CPAP: variants seen among roughly 807,000 people sequenced by gnomAD.
The protein encoded by CPAP is centrosomal P4.1-associated protein.
the CPAP span, among the ~76,000 whole-genome samples, chr13:24,894,951 G>T: frequency 2.6e-5 from 4 of 152,092 alleles, no homozygotes; most frequent in African/African-American, 9.7e-5. Context: ...GACCTGCGGG[G>T]TGAAGCCAGC....
At chr13:24,884,575 C>G in the CPAP span, 1 of 1,018,590 alleles carries the variant, frequency 9.8e-7, no homozygotes, top group Non-Finnish European at 1.5e-6. Flanking sequence ...GTAAAACATT[C>G]CCTCAAAAGA....
the CPAP span, among the ~76,000 whole-genome samples, chr13:24,931,302 G>GTTTTTTTTTTT: frequency 6.6e-4 from 6 of 9,062 alleles, no homozygotes; most frequent in East Asian, 3.8e-3. Flanking sequence ...ATTTTTTCAT[G>GTTTTTTTTTTT]TTTCTTTTTT....
the CPAP span, chr13:24,907,883 G>A: frequency 1.5e-6 from 1 of 683,142 alleles, no homozygotes; most frequent in Non-Finnish European, 2.6e-6. Context: ...ATAATAGGTT[G>A]TATCTTTAAC....
At chr13:24,887,543 T>C in the CPAP span, among the ~76,000 whole-genome samples, 5 of 152,322 alleles carry the variant, frequency 3.3e-5, no homozygotes, top group African/African-American at 7.2e-5. Flanking sequence ...ATCTAATGCC[T>C]GATGATCTGT....
At chr13:24,883,920 T>A in the CPAP span, 8 of 1,613,062 alleles carry the variant, frequency 5.0e-6, 1 homozygote, top group South Asian at 8.8e-5. Flanking sequence ...GATGAACAGG[T>A]GTCACACTGA....
chr13:24,908,185 T>G, the CPAP span: 1 of 1,202,204 alleles, frequency 8.3e-7, no homozygotes, highest in Non-Finnish European at 1.2e-6. Context: ...TCTTAAAACA[T>G]GAGAATTCTA....
At chr13:24,903,974 G>T in the CPAP span, 3 of 1,614,070 alleles carry the variant, frequency 1.9e-6, no homozygotes, top group South Asian at 3.3e-5. Context: ...TTTAGCTAAA[G>T]ATGCGTTCTC....
chr13:24,905,793 C>T, the CPAP span: 1 of 1,614,114 alleles, frequency 6.2e-7, no homozygotes, highest in Non-Finnish European at 8.5e-7. Context: ...CTCCTTTTAT[C>T]TTCTTGGGTC....
chr13:24,911,817 T>G, the CPAP span: 3 of 1,134,132 alleles, frequency 2.6e-6, no homozygotes, highest in East Asian at 4.8e-5. Context: ...CCATTTCACA[T>G]TTATCGGGCT....
chr13:24,898,202 C>G, the CPAP span, among the ~76,000 whole-genome samples: 1 of 152,020 alleles, frequency 6.6e-6, no homozygotes, highest in Non-Finnish European at 1.5e-5. Context: ...AGCCAATAGT[C>G]TTATTTTTTA....
At chr13:24,923,043 G>A in the CPAP span, among the ~76,000 whole-genome samples, 12 of 152,260 alleles carry the variant, frequency 7.9e-5, no homozygotes, top group African/African-American at 2.7e-4. Context: ...GTCGACGTAG[G>A]CGGGCGGCGT....
At chr13:24,882,895 T>TA in the CPAP span, 1 of 409,770 alleles carries the variant, frequency 2.4e-6, no homozygotes, top group Non-Finnish European at 4.5e-6. Flanking sequence ...TAGCCATTTC[T>TA]AACCAATAAA....
At chr13:24,914,202 G>A in the CPAP span, among the ~76,000 whole-genome samples, 1 of 152,110 alleles carries the variant, frequency 6.6e-6, no homozygotes, top group Non-Finnish European at 1.5e-5. Flanking sequence ...GGATGGAGAA[G>A]GTACAAGTTG....
chr13:24,923,949 C>T, the CPAP span, among the ~76,000 whole-genome samples: 2 of 152,166 alleles, frequency 1.3e-5, no homozygotes, highest in Non-Finnish European at 2.9e-5. Flanking sequence ...CTGCCTCAGC[C>T]TCCCGAGTAG....
At chr13:24,908,142 A>T in the CPAP span, 2 of 1,551,854 alleles carry the variant, frequency 1.3e-6, no homozygotes, top group Non-Finnish European at 8.9e-7. Context: ...ATAAAAATTA[A>T]GAACAATTTA....
At chr13:24,915,623 G>C in the CPAP span, among the ~76,000 whole-genome samples, 1 of 152,128 alleles carries the variant, frequency 6.6e-6, no homozygotes, top group Non-Finnish European at 1.5e-5. Context: ...GGCCAACATG[G>C]TGAAACCCCA....
At chr13:24,900,967 C>A in the CPAP span, among the ~76,000 whole-genome samples, 1 of 152,134 alleles carries the variant, frequency 6.6e-6, no homozygotes, top group Non-Finnish European at 1.5e-5. Context: ...CAGGAGCTCA[C>A]TTTTTCTAAA....
the CPAP span, among the ~76,000 whole-genome samples, chr13:24,898,987 T>C: frequency 6.6e-6 from 1 of 152,250 alleles, no homozygotes; most frequent in African/African-American, 2.4e-5. Flanking sequence ...CACTTCTAAC[T>C]ATGAAATGAA....
At chr13:24,929,072 A>G in the CPAP span, among the ~76,000 whole-genome samples, 1 of 152,152 alleles carries the variant, frequency 6.6e-6, no homozygotes, top group Non-Finnish European at 1.5e-5. Context: ...GGTTTTTATT[A>G]CACATTTTTT....
Sources: gnomAD v4.1 joint callset for allele counts (sites outside exome capture counted in the v4.1 genomes callset) on GRCh38, gnomAD v4.1.1 for gene constraint, MANE v1.5 for transcripts, NCBI Gene and HGNC (gene_info 2026-07-23, HGNC 2026-07-21) for gene names.